RTN4RL1: variants seen among roughly 807,000 people sequenced by gnomAD.
RTN4RL1 encodes reticulon 4 receptor like 1, also known as reticulon-4 receptor-like 1.
In RTN4RL1, 7 loss-of-function variants were observed where a neutral mutation model predicts 25.6. That is an observed-to-expected ratio of 0.27 (90% CI 0.16 to 0.51). The LOEUF (loss-of-function observed/expected upper bound fraction) is 0.51, where lower values mean the gene tolerates loss of function less well. RTN4RL1 is among the 20% of genes least tolerant of loss of function. The probability of loss-of-function intolerance (pLI) is 0.97; values close to 1 mark genes in which losing one functional copy is unlikely to be tolerated. For synonymous variants in RTN4RL1, 297 were observed against 288.2 expected (o/e 1.03, Z -0.31); for missense variants, 500 against 615.6 (o/e 0.81, Z 1.99).
intron 1 of RTN4RL1, among the ~76,000 whole-genome samples, chr17:2,008,008 C>T (rs2067012623): frequency 6.6e-6 from 1 of 151,856 alleles, no homozygotes; most frequent in African/African-American, 2.4e-5. Context: ...CATGGTGGCT[C>T]ATGCCTGTAA....
At position 1,936,522 on chromosome 17, in the gene RTN4RL1, G is replaced by T; in HGVS notation, c.1300C>A (p.Leu434Met). 6.5e-7 allele frequency: 1 copy of T among 1,549,172 alleles called. No homozygotes were observed. Among genetic ancestry groups the T allele is most frequent in the East Asian group, 2.4e-5 (1 of 41,340 alleles). Reference protein sequence around the residue: ...SLGASLLAWTLGLAVTLR With the variant: ...SLGASLLAWTMGLAVTLR ...CAGCGGAGAGTGACCGCCAGCCCCA[G>T]TGTCCAGGCCAGGAGGGAGGCCCCC... Residue 434 changes from leucine (L) to methionine (M), a missense_variant, in exon 2 of 2, where the codon CTG becomes ATG. Physicochemically the swap from Leu to Met is conservative, Grantham distance 15 (BLOSUM62 2). Around this residue, in one of 2 missense-constraint regions of RTN4RL1, gnomAD observed 268 missense variants for 274.5 expected, o/e 0.98. Transcript: ENST00000331238.
chr17:1,962,612 C>A (rs1039402091), intron 1 of RTN4RL1, among the ~76,000 whole-genome samples: 1 of 151,948 alleles, frequency 6.6e-6, no homozygotes. Context: ...CACCTGTAAT[C>A]CCAGCACTTT....
At chr17:2,017,658 C>T (rs1009852618) in intron 1 of RTN4RL1, 2 of 149,598 alleles carry the variant, frequency 1.3e-5, no homozygotes, top group African/African-American at 5.0e-5. Flanking sequence ...CTGTTGCATG[C>T]TTTGCCAGGT....
At chr17:1,940,115 G>A (rs745697166) in intron 1 of RTN4RL1, among the ~76,000 whole-genome samples, 15 of 152,186 alleles carry the variant, frequency 9.9e-5, no homozygotes, top group Admixed American at 3.9e-4. Context: ...AAACAGCCTC[G>A]TAAATAAGTG....
At chr17:1,957,020 G>A (rs929769703) in intron 1 of RTN4RL1, among the ~76,000 whole-genome samples, 3 of 152,202 alleles carry the variant, frequency 2.0e-5, no homozygotes, top group Non-Finnish European at 4.4e-5. Context: ...GATTACAGGC[G>A]TGAGCCACCG....
intron 1 of RTN4RL1, among the ~76,000 whole-genome samples, chr17:1,997,327 C>T (rs907374024): frequency 1.3e-5 from 2 of 152,230 alleles, no homozygotes; most frequent in African/African-American, 4.8e-5. Flanking sequence ...TTTCCCCAAC[C>T]CATCGTCCTC....
intron 1 of RTN4RL1, among the ~76,000 whole-genome samples, chr17:2,008,855 C>G (rs574638605): frequency 6.6e-5 from 10 of 152,218 alleles, no homozygotes; most frequent in Non-Finnish European, 1.5e-4. Context: ...CGCCTTCCCC[C>G]TGGCTTGAAA....
chr17:1,939,833 C>G (rs1009110558), intron 1 of RTN4RL1, among the ~76,000 whole-genome samples: 2 of 152,176 alleles, frequency 1.3e-5, no homozygotes, highest in Admixed American at 1.3e-4. Flanking sequence ...GGCCTCCAGG[C>G]CCCCACCCTG....
chr17:1,964,966 T>A (rs2066783482), intron 1 of RTN4RL1, among the ~76,000 whole-genome samples: 1 of 137,314 alleles, frequency 7.3e-6, no homozygotes, highest in Admixed American at 7.2e-5. Context: ...TTTTTGTAAT[T>A]TTAGTAGAGA....
intron 1 of RTN4RL1, among the ~76,000 whole-genome samples, chr17:2,015,470 C>T (rs2067108594): frequency 6.6e-6 from 1 of 152,160 alleles, no homozygotes; most frequent in Non-Finnish European, 1.5e-5. Context: ...AAGCATGGCG[C>T]TGCCCGGGGA....
chr17:1,965,431 G>T, intron 1 of RTN4RL1, among the ~76,000 whole-genome samples: 1 of 152,136 alleles, frequency 6.6e-6, no homozygotes, highest in East Asian at 1.9e-4. Flanking sequence ...TTTCTAATAT[G>T]GCTACTAGAA....
At chr17:2,021,467 A>T (rs1392812563) in intron 1 of RTN4RL1, among the ~76,000 whole-genome samples, 1 of 149,708 alleles carries the variant, frequency 6.7e-6, no homozygotes, top group Non-Finnish European at 1.5e-5. Flanking sequence ...AAATTATTAC[A>T]CTCCCTCAGG....
intron 1 of RTN4RL1, among the ~76,000 whole-genome samples, chr17:2,002,834 C>A (rs894816110): frequency 6.6e-6 from 1 of 152,188 alleles, no homozygotes; most frequent in African/African-American, 2.4e-5. Flanking sequence ...CATACCCCGG[C>A]TACCAGGAGG....
At chr17:1,991,095 A>C (rs879665333) in intron 1 of RTN4RL1, among the ~76,000 whole-genome samples, 1 of 152,216 alleles carries the variant, frequency 6.6e-6, no homozygotes, top group Non-Finnish European at 1.5e-5. Flanking sequence ...CGCAGATTCC[A>C]TTCGATTCAG....
intron 1 of RTN4RL1, among the ~76,000 whole-genome samples, chr17:2,016,680 G>A (rs1317320333): frequency 2.0e-5 from 3 of 152,242 alleles, no homozygotes; most frequent in Non-Finnish European, 2.9e-5. Context: ...TGTGGCATGC[G>A]GCACATGCCA....
At chr17:1,961,401 C>T (rs1273959309) in intron 1 of RTN4RL1, among the ~76,000 whole-genome samples, 1 of 152,208 alleles carries the variant, frequency 6.6e-6, no homozygotes, top group African/African-American at 2.4e-5. Flanking sequence ...AGGGAGACAG[C>T]AGTCACGGTA....
chr17:1,939,989 G>A lies in RTN4RL1; in HGVS notation c.14-2181C>T, dbSNP rs1485756678. On this transcript the variant is annotated intron_variant, in intron 1 of 1. Coordinates refer to ENST00000331238, the MANE Select transcript of RTN4RL1 (RefSeq NM_178568.4). Reference sequence around the variant, plus strand: ...TGTACCCAGAGCTTGTGGGATGAGAGAACCAACCCTCTGGCCACTCTCGGG... The same window carrying A: ...TGTACCCAGAGCTTGTGGGATGAGAAAACCAACCCTCTGGCCACTCTCGGG... Among the ~76,000 whole-genome samples, 3 of 152,206 alleles carry A rather than the reference G, an allele frequency of 2.0e-5. No individual in the cohort carries two copies. In the East Asian group the frequency reaches 5.8e-4, roughly 29 times the overall value.
chr17:1,975,351 A>G (rs972964224), intron 1 of RTN4RL1, among the ~76,000 whole-genome samples: 1 of 152,156 alleles, frequency 6.6e-6, no homozygotes, highest in East Asian at 1.9e-4. Context: ...TCAGAGCATC[A>G]GCAGAAAACT....
At chr17:1,946,825 C>CG (rs1355938631) in intron 1 of RTN4RL1, among the ~76,000 whole-genome samples, 2 of 136,608 alleles carry the variant, frequency 1.5e-5, no homozygotes, top group Non-Finnish European at 3.0e-5. Context: ...TGTGTGTGCA[C>CG]GGGGTCTGTG....
Sources: gnomAD v4.1 joint callset for allele counts (sites outside exome capture counted in the v4.1 genomes callset) on GRCh38, gnomAD v4.1.1 for gene constraint, gnomAD v4.1.1 regional missense constraint, MANE v1.5 for transcripts, NCBI Gene and HGNC (gene_info 2026-07-23, HGNC 2026-07-21) for gene names.